Variants in PCDH11X observed in about 807,000 individuals in gnomAD.
PCDH11X encodes the protein protocadherin-11 X-linked.
Under a neutral mutation model 53.3 loss-of-function variants are expected in PCDH11X, and 18 were observed. That is an observed-to-expected ratio of 0.34 (90% CI 0.23 to 0.50). The LOEUF is 0.50. Ranked by LOEUF, PCDH11X falls within the 20% of genes least tolerant of loss-of-function variation. PCDH11X has a pLI of 0.98. For synonymous variants in PCDH11X, 279 were observed against 393.3 expected (o/e 0.71, Z 3.44); for missense variants, 570 against 1,032.4 (o/e 0.55, Z 6.14).
chrX:92,493,236 T>TA (rs1423862367), intron 10 of PCDH11X, among the ~76,000 whole-genome samples: 8 of 111,305 alleles, frequency 7.2e-5, no homozygotes, highest in Admixed American at 1.9e-4. Context: ...GGTAATTTTT[T>TA]TTTTAAATTG....
intron 8 of PCDH11X, among the ~76,000 whole-genome samples, chrX:92,304,688 C>CCCTTATTTAGACAATA (rs1473887166): frequency 1.8e-5 from 2 of 111,728 alleles, no homozygotes; most frequent in Non-Finnish European, 3.8e-5. Context: ...TTCCCTGGCT[C>CCCTTATTTAGACAATA]AGAAAATATC....
chrX:92,111,219 TAAAAAAAAAAAAAA>T (rs771823629), intron 6 of PCDH11X, among the ~76,000 whole-genome samples: 6 of 19,807 alleles, frequency 3.0e-4, no homozygotes, highest in East Asian at 0.012. Flanking sequence ...CACCTAACGC[TAAAAAAAAAAAAAA>T]AAAAAAAAAA....
rs1355208919 is a variant in PCDH11X at position 92,622,475 on chromosome X, G to GTT, written c.*3537_*3538dup. On this transcript the variant is annotated 3_prime_UTR_variant, in exon 11 of 11. Transcript: ENST00000682573. ...AATACACATTTATGAAAATCTACTTGTTTAGGCTTTTATTTATACTCTTCT... is the reference window on the plus strand; with the variant it reads ...AATACACATTTATGAAAATCTACTTGTTTTTAGGCTTTTATTTATACTCTTCT... 1 of 109,492 alleles carries GTT rather than the reference G, an allele frequency of 9.1e-6. No homozygotes were observed. The highest frequency in any genetic ancestry group is 1.9e-5 in the Non-Finnish European group (1 of 52,299). 9.0% of individuals were successfully genotyped at this position (109,492 alleles called of 1,213,427 possible).
chrX:92,364,156 C>T (rs1467311037), intron 8 of PCDH11X, among the ~76,000 whole-genome samples: 1 of 111,668 alleles, frequency 9.0e-6, no homozygotes, highest in African/African-American at 3.3e-5. Flanking sequence ...ATGCTTTCCT[C>T]ATATAATAGT....
chrX:92,215,669 ATGTCCC>A (rs1374988051), intron 7 of PCDH11X, among the ~76,000 whole-genome samples: 40 of 98,194 alleles, frequency 4.1e-4, no homozygotes, highest in African/African-American at 1.4e-3. Context: ...GCAGACTTAA[ATGTCCC>A]TGTCTGACAG....
chrX:92,190,886 T>C (rs1023428382), intron 6 of PCDH11X, among the ~76,000 whole-genome samples: 3 of 111,728 alleles, frequency 2.7e-5, no homozygotes, highest in African/African-American at 9.7e-5. Context: ...TTTTCAAATT[T>C]AGAGAATCTA....
At chrX:91,824,467 C>T (rs796857203) in intron 4 of PCDH11X, among the ~76,000 whole-genome samples, 1 of 111,250 alleles carries the variant, frequency 9.0e-6, no homozygotes, top group Non-Finnish European at 1.9e-5. Context: ...TTGATCGCAT[C>T]GGCTCCTGAG....
chrX:92,062,588 T>G (rs1363197931), intron 6 of PCDH11X, among the ~76,000 whole-genome samples: 2 of 112,030 alleles, frequency 1.8e-5, no homozygotes, highest in Admixed American at 1.9e-4. Context: ...AACAAGCATA[T>G]GAAGAAGAGC....
chrX:92,457,074 A>G (rs2072922055), intron 9 of PCDH11X, among the ~76,000 whole-genome samples: 1 of 109,053 alleles, frequency 9.2e-6, no homozygotes, highest in Non-Finnish European at 1.9e-5. Flanking sequence ...TAATAATCAT[A>G]TATCTTTCAA....
At chrX:92,252,532 G>A (rs1442702953) in intron 7 of PCDH11X, among the ~76,000 whole-genome samples, 1 of 111,600 alleles carries the variant, frequency 9.0e-6, no homozygotes, top group Non-Finnish European at 1.9e-5. Context: ...TTTAGAAAAT[G>A]TACCATAACA....
chrX:92,618,222 T>C, intron 10 of PCDH11X, 42 bp from the exon 11 acceptor site: 1 of 1,165,253 alleles, frequency 8.6e-7, no homozygotes, highest in Non-Finnish European at 1.1e-6. Context: ...AAAATATGCC[T>C]TTGAAATATA....
chrX:92,131,498 G>A (rs1468093902), intron 6 of PCDH11X, among the ~76,000 whole-genome samples: 1 of 111,519 alleles, frequency 9.0e-6, no homozygotes, highest in African/African-American at 3.3e-5. Context: ...AGATGAACTG[G>A]GAAGGAAGAG....
intron 6 of PCDH11X, among the ~76,000 whole-genome samples, chrX:92,121,762 T>C (rs1326289010): frequency 1.8e-5 from 2 of 110,311 alleles, no homozygotes; most frequent in African/African-American, 6.6e-5. Flanking sequence ...AGTCTCTCTC[T>C]GTTGCCAGGC....
chrX:92,343,871 G>A (rs1445478501), intron 8 of PCDH11X, among the ~76,000 whole-genome samples: 1 of 110,895 alleles, frequency 9.0e-6, no homozygotes, highest in Admixed American at 9.6e-5. Flanking sequence ...ATAACTGAGT[G>A]TTTACAAACT....
intron 6 of PCDH11X, among the ~76,000 whole-genome samples, chrX:92,083,886 C>T (rs1041590785): frequency 2.6e-4 from 29 of 110,531 alleles, no homozygotes; most frequent in African/African-American, 9.2e-4. Flanking sequence ...GTCAGGAGTT[C>T]GAGACCAGCC....
At chrX:92,338,831 C>T (rs143381561) in intron 8 of PCDH11X, among the ~76,000 whole-genome samples, 2,575 of 111,736 alleles carry the variant, frequency 0.023, 66 homozygotes, top group African/African-American at 0.078. Flanking sequence ...TGCTTCTTCT[C>T]TATTTCTAAC....
At chrX:92,548,474 A>T (rs980077198) in intron 10 of PCDH11X, among the ~76,000 whole-genome samples, 1 of 111,906 alleles carries the variant, frequency 8.9e-6, no homozygotes, top group African/African-American at 3.3e-5. Flanking sequence ...CGCAGCCCCT[A>T]AAATTCTCTT....
intron 10 of PCDH11X, among the ~76,000 whole-genome samples, chrX:92,527,739 A>G (rs944329800): frequency 2.7e-5 from 3 of 111,944 alleles, no homozygotes; most frequent in Non-Finnish European, 5.6e-5. Flanking sequence ...GCCCATGAGA[A>G]GGGATCTAAC....
intron 9 of PCDH11X, among the ~76,000 whole-genome samples, chrX:92,389,635 A>C (rs892363754): frequency 5.4e-5 from 6 of 111,338 alleles, no homozygotes; most frequent in African/African-American, 2.0e-4. Flanking sequence ...TACTGTTGAT[A>C]ATAATAGGAG....
Sources: allele counts gnomAD v4.1 joint callset (sites outside exome capture counted in the v4.1 genomes callset), GRCh38; gene constraint gnomAD v4.1.1; transcripts MANE v1.5; gene names NCBI Gene and HGNC (gene_info 2026-07-23, HGNC 2026-07-21).